The following RIMS1 variants were observed in gnomAD, a reference collection of about 807,000 sequenced individuals.
RIMS1 encodes regulating synaptic membrane exocytosis 1, also known as regulating synaptic membrane exocytosis protein 1.
In RIMS1, 83 loss-of-function variants were observed where a neutral mutation model predicts 214.1. The ratio of observed to expected loss-of-function variants is 0.39; its 90% CI spans 0.32 to 0.47. The LOEUF is 0.47. Ranked by LOEUF, RIMS1 falls within the 20% of genes least tolerant of loss-of-function variation. RIMS1 has a pLI of 0.99. For missense variants in RIMS1, 2,050 were observed against 2,161.8 expected (o/e 0.95, Z 1.03); for synonymous variants, 793 against 786.8 (o/e 1.01, Z -0.13).
chr6:72,362,777 T>A (rs2097866306), intron 29 of RIMS1, among the ~76,000 whole-genome samples: 3 of 152,208 alleles, frequency 2.0e-5, no homozygotes, highest in Non-Finnish European at 4.4e-5. Flanking sequence ...ATTTATGTCA[T>A]TTTCCCTATA....
intron 27 of RIMS1, among the ~76,000 whole-genome samples, chr6:72,308,792 C>A (rs914884796): frequency 6.6e-6 from 1 of 152,028 alleles, no homozygotes; most frequent in Non-Finnish European, 1.5e-5. Context: ...CCTGATGTCC[C>A]GTAGTATTGC....
chr6:72,208,156 T>C (rs2154002381), intron 6 of RIMS1, among the ~76,000 whole-genome samples: 1 of 152,278 alleles, frequency 6.6e-6, no homozygotes, highest in Non-Finnish European at 1.5e-5. Flanking sequence ...TGACACAGCT[T>C]AGGTAAATGA....
intron 2 of RIMS1, among the ~76,000 whole-genome samples, chr6:72,091,239 A>G (rs540281058): frequency 1.4e-4 from 22 of 152,300 alleles, no homozygotes; most frequent in African/African-American, 5.1e-4. Context: ...TTAAAACAAT[A>G]GCTTCCATCC....
chr6:72,139,447 A>T (rs2041818384), intron 4 of RIMS1, among the ~76,000 whole-genome samples: 1 of 152,088 alleles, frequency 6.6e-6, no homozygotes. Flanking sequence ...CTGCCCACCC[A>T]CTGCTCCTAC....
intron 2 of RIMS1, among the ~76,000 whole-genome samples, chr6:72,008,980 G>A (rs1809085156): frequency 2.0e-5 from 3 of 152,140 alleles, no homozygotes; most frequent in African/African-American, 7.2e-5. Context: ...GGGCCTAAAA[G>A]ACACCTACAG....
intron 2 of RIMS1, among the ~76,000 whole-genome samples, chr6:71,974,613 G>A (rs1015454978): frequency 6.6e-6 from 1 of 152,096 alleles, no homozygotes; most frequent in Non-Finnish European, 1.5e-5. Context: ...AAAATTTCAT[G>A]TGTGGTATAA....
intron 16 of RIMS1, among the ~76,000 whole-genome samples, chr6:72,256,871 A>G (rs1346422694): frequency 1.3e-5 from 2 of 152,178 alleles, no homozygotes; most frequent in Non-Finnish European, 2.9e-5. Context: ...AGAAAAAATT[A>G]AAGTATTTCA....
chr6:72,193,805 A>AT (rs1298302839), intron 6 of RIMS1, among the ~76,000 whole-genome samples: 1 of 152,160 alleles, frequency 6.6e-6, no homozygotes, highest in Non-Finnish European at 1.5e-5. Flanking sequence ...CTAATACCAT[A>AT]TATGTTTATT....
At chr6:72,323,292 A>C (rs1034905834) in intron 28 of RIMS1, among the ~76,000 whole-genome samples, 3 of 152,070 alleles carry the variant, frequency 2.0e-5, no homozygotes, top group African/African-American at 7.2e-5. Flanking sequence ...CATGTTTAAC[A>C]ACGAGAAAAA....
intron 29 of RIMS1, among the ~76,000 whole-genome samples, chr6:72,371,019 T>G (rs1456425008): frequency 1.3e-5 from 2 of 152,208 alleles, no homozygotes; most frequent in Non-Finnish European, 2.9e-5. Context: ...AATATGAGAT[T>G]TTTTATATGA....
chr6:71,985,977 A>G (rs535526946), intron 2 of RIMS1, among the ~76,000 whole-genome samples: 2 of 152,306 alleles, frequency 1.3e-5, no homozygotes, highest in African/African-American at 2.4e-5. Flanking sequence ...TTACTTTAAC[A>G]TATGTCATCC....
chr6:72,017,088 T>A, intron 2 of RIMS1, among the ~76,000 whole-genome samples: 1 of 152,220 alleles, frequency 6.6e-6, no homozygotes, highest in East Asian at 1.9e-4. Flanking sequence ...TAGGGTCTAC[T>A]CATGATGGCC....
chr6:72,164,073 C>T (rs553876291), intron 4 of RIMS1, among the ~76,000 whole-genome samples: 8 of 152,314 alleles, frequency 5.3e-5, no homozygotes, highest in African/African-American at 1.4e-4. Flanking sequence ...TGTTTACATA[C>T]TCAAGCCTTG....
intron 6 of RIMS1, among the ~76,000 whole-genome samples, chr6:72,209,072 G>C (rs2053393337): frequency 6.6e-6 from 1 of 152,046 alleles, no homozygotes; most frequent in Non-Finnish European, 1.5e-5. Flanking sequence ...GTAAAACAAA[G>C]AATAGAATTC....
chr6:72,021,304 A>G lies in RIMS1; in HGVS notation c.245+52241A>G, dbSNP rs138725487. ...AAATAAATTGTTGTTTAGTGCAAAT[A>G]TACTAGAAGCTTTCAAAATGTGATT... On this transcript the variant is annotated intron_variant, in intron 2 of 33. Transcript: ENST00000521978. Among the ~76,000 whole-genome samples, 767 of 152,358 alleles carry G rather than the reference A, an allele frequency of 5.0e-3. 2 individuals carry two copies. Among genetic ancestry groups the G allele is most frequent in the Non-Finnish European group, 6.1e-3 (417 of 68,040 alleles).
At chr6:72,313,799 A>G in intron 28 of RIMS1, 127 bp downstream of exon 28, 2 of 913,020 alleles carry the variant, frequency 2.2e-6, no homozygotes, top group Non-Finnish European at 3.2e-6. Flanking sequence ...ATCGACTACT[A>G]TGTAGTATTG....
At chr6:72,346,306 T>C (rs1171923922) in intron 29 of RIMS1, among the ~76,000 whole-genome samples, 1 of 151,834 alleles carries the variant, frequency 6.6e-6, no homozygotes, top group Admixed American at 6.6e-5. Context: ...ATCCAGCTAA[T>C]ATTTTTATCT....
At chr6:71,989,033 C>G (rs1800812652) in intron 2 of RIMS1, among the ~76,000 whole-genome samples, 1 of 152,090 alleles carries the variant, frequency 6.6e-6, no homozygotes, top group Non-Finnish European at 1.5e-5. Flanking sequence ...CAGTTTGTAG[C>G]TAGCTCTTTA....
At chr6:72,027,659 T>C (rs1816920940) in intron 2 of RIMS1, among the ~76,000 whole-genome samples, 2 of 152,138 alleles carry the variant, frequency 1.3e-5, no homozygotes, top group South Asian at 4.1e-4. Flanking sequence ...AGAAATTTCC[T>C]TGGTCTCAGC....
Sources: allele counts gnomAD v4.1 joint callset (sites outside exome capture counted in the v4.1 genomes callset), GRCh38; gene constraint gnomAD v4.1.1; transcripts MANE v1.5; gene names NCBI Gene and HGNC (gene_info 2026-07-23, HGNC 2026-07-21).